Variants in CASZ1 observed in about 807,000 individuals in gnomAD.
The protein encoded by CASZ1 is castor zinc finger 1.
In CASZ1, 28 loss-of-function variants were observed where a neutral mutation model predicts 135.2. That is an observed-to-expected ratio of 0.21 (90% CI 0.15 to 0.28). The LOEUF (loss-of-function observed/expected upper bound fraction) is 0.28, where lower values mean the gene tolerates loss of function less well. Among genes scored for constraint, CASZ1 ranks in the 10% least tolerant of loss-of-function variants. CASZ1 has a pLI of 1.00. For missense variants in CASZ1, 2,161 were observed against 2,453.3 expected (o/e 0.88, Z 2.52); for synonymous variants, 1,068 against 1,073.4 (o/e 0.99, Z 0.10).
intron 2 of CASZ1, among the ~76,000 whole-genome samples, chr1:10,718,793 G>A (rs1041069352): frequency 1.3e-5 from 2 of 152,202 alleles, no homozygotes; most frequent in African/African-American, 4.8e-5. Context: ...ACCTATGACT[G>A]GGCACTTAAC....
At position 10,756,602 on chromosome 1, in the gene CASZ1, C is replaced by A. The variant is rs185037063; in HGVS notation, c.-77+4099G>T. Among the ~76,000 whole-genome samples the A allele has an allele frequency of 2.6e-3, 393 of 152,374 alleles. 2 individuals are homozygous for A. Among genetic ancestry groups the A allele is most frequent in the Non-Finnish European group, 2.9e-3 (196 of 68,036 alleles). On this transcript the variant is annotated intron_variant, in intron 2 of 20. Transcript: ENST00000377022. This position sits in a 1 kb window ranked among gnomAD's most constrained non-coding sequence, Gnocchi z 5.9. ...CGATGCTGGGACTGCCTGCCCCAAC[C>A]TGGCCCTCACAGATGGTGTCAGGAC...
intron 15 of CASZ1, 35 bp downstream of exon 15, chr1:10,649,035 G>A (rs1013696303): frequency 6.2e-6 from 10 of 1,606,258 alleles, no homozygotes; most frequent in African/African-American, 1.3e-5. Flanking sequence ...GGATCCGTGG[G>A]GCTCTGTGGA....
In CASZ1 at chr1:10,707,719, A is replaced by G. The variant is rs1488736782; in HGVS notation, c.-76-2175T>C. ...GGGCCTAAGAAGTAGCTGAGAGTTCATCTTGGTCTCTTCTTCCTTCTCTGG... is the reference window on the plus strand; with the variant it reads ...GGGCCTAAGAAGTAGCTGAGAGTTCGTCTTGGTCTCTTCTTCCTTCTCTGG... On this transcript the variant is annotated intron_variant, in intron 2 of 20. Transcript: ENST00000377022. This position sits in a 1 kb window ranked among gnomAD's most constrained non-coding sequence, Gnocchi z 5.0. Among the ~76,000 whole-genome samples, 2 of 152,140 alleles carry G rather than the reference A, an allele frequency of 1.3e-5. No homozygotes were observed. Among genetic ancestry groups the G allele is most frequent in the Non-Finnish European group, 2.9e-5 (2 of 68,024 alleles).
chr1:10,656,861 A>C (rs1340636825), intron 7 of CASZ1, 125 bp from the exon 8 acceptor site: 1 of 661,344 alleles, frequency 1.5e-6, no homozygotes, highest in Non-Finnish European at 2.7e-6. Context: ...GTGAAGTTGC[A>C]GAGGCCCAGG....
chr1:10,792,376 G>A (rs1290791110), intron 1 of CASZ1, among the ~76,000 whole-genome samples: 2 of 140,080 alleles, frequency 1.4e-5, no homozygotes, highest in East Asian at 5.4e-4. Flanking sequence ...ATGTGGAGGG[G>A]TGGGGTTGGG....
At chr1:10,746,114 G>A (rs895893333) in intron 2 of CASZ1, among the ~76,000 whole-genome samples, 3 of 152,338 alleles carry the variant, frequency 2.0e-5, no homozygotes, top group Non-Finnish European at 2.9e-5. Context: ...GAGTGGCCTC[G>A]AGGCAGGGCG....
Position 10,639,125 on chromosome 1 carries a change from C to A in CASZ1, c.5097G>T (p.Glu1699Asp). 1.7e-6 allele frequency: 2 copies of A among 1,154,304 alleles called. No homozygotes were observed. Among genetic ancestry groups the A allele is most frequent in the South Asian group, 2.1e-5 (1 of 47,192 alleles). The allele number at this position is 1,154,304 out of a possible 1,614,324, so 71.5% of individuals were successfully genotyped here. The change falls in exon 21 of 21, where the codon GAG becomes GAT. Residue 1699 changes from glutamate (E) to aspartate (D), a missense_variant. Glu to Asp is a conservative substitution (Grantham distance 45). Coordinates refer to ENST00000377022, the MANE Select transcript of CASZ1 (RefSeq NM_001079843.3). The surrounding 1 kb of genome is among the most constrained non-coding windows in gnomAD (Gnocchi z 4.0). ...CGTCGTCGTCCTCGTCGTCGTCGTC[C>A]TCGTCGTCGTCCTCGTCCTCGTCGT... ...AEDDEDEDDD[E>D]DDDDEDDDED...
intron 4 of CASZ1, among the ~76,000 whole-genome samples, chr1:10,673,802 G>A (rs929787142): frequency 6.6e-5 from 10 of 152,280 alleles, no homozygotes; most frequent in Admixed American, 2.0e-4. Flanking sequence ...TGGACCCTCC[G>A]TGGGCAGGAG....
At chr1:10,665,041 C>G in intron 5 of CASZ1, 42 bp downstream of exon 5, 1 of 1,488,056 alleles carries the variant, frequency 6.7e-7, no homozygotes. Context: ...ACTGGCCTCC[C>G]TGTCCTGGCC....
In CASZ1 at chr1:10,711,102, G is replaced by C. The variant is rs1053516789; in HGVS notation, c.-76-5558C>G. On this transcript the variant is annotated intron_variant, in intron 2 of 20. Transcript: ENST00000377022. The surrounding 1 kb of genome is among the most constrained non-coding windows in gnomAD (Gnocchi z 4.4). ...GCTGAGATCATGCAACTACACTCCA[G>C]CCTGGGCGACAGAGCGAGACTCCGT... is the stretch of plus-strand genomic sequence containing the variant. 6.6e-6 allele frequency among the ~76,000 whole-genome samples: 1 copy of C among 152,222 alleles called. No homozygotes were observed. Among genetic ancestry groups the C allele is most frequent in the Non-Finnish European group, 1.5e-5 (1 of 68,046 alleles).
chr1:10,644,796 C>T (rs1167134849), intron 18 of CASZ1, 121 bp downstream of exon 18: 2 of 1,049,056 alleles, frequency 1.9e-6, no homozygotes, highest in Admixed American at 4.6e-5. Context: ...ACACCTTTAA[C>T]AAAACGTGGA....
In CASZ1 at chr1:10,666,983, G is replaced by T. The variant is rs1039907414; in HGVS notation, c.17-1412C>A. Among the ~76,000 whole-genome samples the T allele has an allele frequency of 4.6e-5, 7 of 152,228 alleles. No individual in the cohort carries two copies. Among genetic ancestry groups the T allele is most frequent in the African/African-American group, 1.4e-4 (6 of 41,468 alleles). ...AAATGTGCCTCTCCATGGCCCTCAC[G>T]GGAGGAATGGGCGTGTCAGAGTCTC... On this transcript the variant is annotated intron_variant, in intron 4 of 20. Transcript: ENST00000377022. The surrounding 1 kb of genome is among the most constrained non-coding windows in gnomAD (Gnocchi z 5.2).
At chr1:10,702,075 C>T (rs1639073567) in intron 3 of CASZ1, among the ~76,000 whole-genome samples, 2 of 152,236 alleles carry the variant, frequency 1.3e-5, no homozygotes, top group Admixed American at 6.5e-5. Context: ...TCCGAGACGT[C>T]CCCTACCAAG....
intron 18 of CASZ1, among the ~76,000 whole-genome samples, chr1:10,644,462 T>G (rs1187822142): frequency 6.6e-6 from 1 of 152,198 alleles, no homozygotes; most frequent in Non-Finnish European, 1.5e-5. Flanking sequence ...GGCACACAGC[T>G]GTCCCTCCAT....
chr1:10,713,376 A>C (rs775894716), intron 2 of CASZ1, among the ~76,000 whole-genome samples: 1 of 152,230 alleles, frequency 6.6e-6, no homozygotes, highest in Non-Finnish European at 1.5e-5. Context: ...TTAATAAATA[A>C]TTTGTAGGTC....
intron 2 of CASZ1, among the ~76,000 whole-genome samples, chr1:10,708,394 T>C (rs555898955): frequency 6.6e-6 from 1 of 152,298 alleles, no homozygotes; most frequent in Admixed American, 6.5e-5. Context: ...TACCCACCCT[T>C]AATCTCTGAA....
chr1:10,725,606 T>C lies in CASZ1; in HGVS notation c.-76-20062A>G, dbSNP rs1001749611. On this transcript the variant is annotated intron_variant, in intron 2 of 20. Coordinates refer to ENST00000377022, the MANE Select transcript of CASZ1 (RefSeq NM_001079843.3). The surrounding 1 kb of genome is among the most constrained non-coding windows in gnomAD (Gnocchi z 4.4). Reference sequence around the variant, plus strand: ...AGGTAATCCACTCCAGATTTTGATATTAACCTTTGAAACTGGAGTTCATTC... The same window carrying C: ...AGGTAATCCACTCCAGATTTTGATACTAACCTTTGAAACTGGAGTTCATTC... Among the ~76,000 whole-genome samples, 4 of 152,250 alleles carry C rather than the reference T, an allele frequency of 2.6e-5. No homozygotes were observed. The highest frequency in any genetic ancestry group is 5.9e-5 in the Non-Finnish European group (4 of 68,046).
chr1:10,733,033 G>A (rs1639730536), intron 2 of CASZ1, among the ~76,000 whole-genome samples: 1 of 152,112 alleles, frequency 6.6e-6, no homozygotes, highest in Non-Finnish European at 1.5e-5. Context: ...CATGGTCCTC[G>A]GCCCCAGGCT....
chr1:10,663,722 G>A (rs944861609), intron 5 of CASZ1, among the ~76,000 whole-genome samples: 11 of 152,242 alleles, frequency 7.2e-5, no homozygotes, highest in Admixed American at 4.6e-4. Context: ...CACAGAGGCA[G>A]CCAAGGCTCC....
Sources: allele counts gnomAD v4.1 joint callset (sites outside exome capture counted in the v4.1 genomes callset), GRCh38; gene constraint gnomAD v4.1.1; non-coding constraint Gnocchi (gnomAD v3.1); transcripts MANE v1.5; gene names NCBI Gene and HGNC (gene_info 2026-07-23, HGNC 2026-07-21).